The following KDELR1 variants were observed in gnomAD, a reference collection of about 807,000 sequenced individuals.
KDELR1 encodes KDEL endoplasmic reticulum protein retention receptor 1, also known as ER lumen protein-retaining receptor 1.
In KDELR1, 16 loss-of-function variants were observed where a neutral mutation model predicts 25.5. The observed-to-expected ratio is 0.63, with a 90% CI of 0.43 to 0.95. KDELR1 has a LOEUF of 0.95. Among genes scored for constraint, KDELR1 ranks in the 40% least tolerant of loss-of-function variants. The pLI is 0.00. For missense variants in KDELR1, 159 were observed against 265.2 expected (o/e 0.60, Z 2.78); for synonymous variants, 121 against 115.0 (o/e 1.05, Z -0.33).
the KDELR1 span, among the ~76,000 whole-genome samples, chr19:48,397,024 G>A: frequency 2.0e-5 from 3 of 152,072 alleles, no homozygotes; most frequent in African/African-American, 7.2e-5. Flanking sequence ...TTCAACAGGG[G>A]GCACAGGAAG....
At chr19:48,391,845 G>A (rs1457895618), upstream of KDELR1, among the ~76,000 whole-genome samples, 1 of 152,124 alleles carries the variant, frequency 6.6e-6, no homozygotes, top group Non-Finnish European at 1.5e-5. Flanking sequence ...AAATCCTGCA[G>A]GGACCCGGAG....
upstream of KDELR1, among the ~76,000 whole-genome samples, chr19:48,392,819 C>T (rs184129718): frequency 8.8e-4 from 134 of 152,284 alleles, no homozygotes; most frequent in Admixed American, 1.8e-3. Context: ...GGTGTCCTGC[C>T]CCACGCTCTA....
At position 48,389,629 on chromosome 19, in the gene KDELR1, G is replaced by A. The variant is rs1191650393; in HGVS notation, c.275C>T (p.Thr92Met). ...FKATYDGNHDTFRVEFLVVPT... is the reference protein window; with the variant it reads ...FKATYDGNHDMFRVEFLVVPT... ...AACGACCAGGAACTCCACTCTGAAC[G>A]TGTCATGGTTCCCATCGTAAGTAGC... The change falls in exon 3 of 5, where the codon ACG (threonine) becomes ATG (methionine). Residue 92 changes from threonine to methionine, a missense_variant. By Grantham distance (81) the Thr-to-Met change is moderately conservative. Transcript: ENST00000330720. 5 of 1,614,130 alleles carry A rather than the reference G, an allele frequency of 3.1e-6. No homozygotes were observed. The highest frequency in any genetic ancestry group is 1.1e-5 in the South Asian group (1 of 91,092).
At chr19:48,391,131 C>G (rs1449629865) in intron 1 of KDELR1, 137 bp downstream of exon 1, 8 of 761,726 alleles carry the variant, frequency 1.1e-5, no homozygotes, top group Non-Finnish European at 1.8e-5. Context: ...GACCCAGAAC[C>G]TAGAAGAGAG....
intron 3 of KDELR1, among the ~76,000 whole-genome samples, chr19:48,385,968 C>T (rs949811255): frequency 3.3e-5 from 5 of 152,148 alleles, no homozygotes; most frequent in Non-Finnish European, 7.4e-5. Flanking sequence ...ATCCAGAATC[C>T]TCCAGGGAGG....
chr19:48,383,509 TTTTC>T (rs1422795609), intron 4 of KDELR1, among the ~76,000 whole-genome samples, 182 bp from the exon 5 acceptor site: 1 of 152,014 alleles, frequency 6.6e-6, no homozygotes, highest in African/African-American at 2.4e-5. Flanking sequence ...CTACTGGCAA[TTTTC>T]TTTCTTTCTT....
At chr19:48,387,309 A>G (rs1970504783) in intron 3 of KDELR1, among the ~76,000 whole-genome samples, 2 of 152,136 alleles carry the variant, frequency 1.3e-5, no homozygotes, top group Non-Finnish European at 2.9e-5. Context: ...AGCATGATGC[A>G]GCCTCCCTCT....
chr19:48,387,923 C>G (rs932165684), intron 3 of KDELR1: 1 of 152,158 alleles, frequency 6.6e-6, no homozygotes, highest in Non-Finnish European at 1.5e-5. Context: ...CACTGGCTCT[C>G]GCAAAATTCC....
In KDELR1 at chr19:48,391,489, G is replaced by T. The variant is rs545312495; in HGVS notation, c.-131C>A. 8 of 686,022 alleles carry T rather than the reference G, an allele frequency of 1.2e-5. No individual in the cohort carries two copies. In the South Asian group the frequency reaches 1.4e-4, roughly 12 times the overall value. The allele number at this position is 686,022 out of a possible 1,614,324, so 42.5% of individuals were successfully genotyped here. A position where few individuals can be genotyped will look rare whatever the true frequency, so the allele number is the denominator to read the frequency against. On this transcript the variant is annotated 5_prime_UTR_variant, in exon 1 of 5. Transcript: ENST00000330720. The stretch of plus-strand genomic sequence containing the variant: ...AGGGACCCTAGGTGCGCTCCGCTCC[G>T]GGGAGGGGACTTTGGGAGGGGGAGC...
the KDELR1 span, among the ~76,000 whole-genome samples, chr19:48,396,660 A>T: frequency 3.8e-4 from 58 of 151,816 alleles, no homozygotes; most frequent in African/African-American, 1.4e-3. Flanking sequence ...GCATACTAGG[A>T]GCCCCCAACC....
chr19:48,395,507 T>G (rs1970628290), upstream of KDELR1, among the ~76,000 whole-genome samples: 1 of 151,758 alleles, frequency 6.6e-6, no homozygotes, highest in African/African-American at 2.4e-5. Context: ...GTGTGTGTGT[T>G]GGGAGGTGAG....
chr19:48,385,851 C>T (rs2147420112), intron 3 of KDELR1, among the ~76,000 whole-genome samples: 1 of 152,314 alleles, frequency 6.6e-6, no homozygotes, highest in South Asian at 2.1e-4. Context: ...GAGGTAGGTA[C>T]TGTTGTCATT....
chr19:48,392,997 C>T (rs1282193561), upstream of KDELR1, among the ~76,000 whole-genome samples: 1 of 152,226 alleles, frequency 6.6e-6, no homozygotes, highest in Non-Finnish European at 1.5e-5. Context: ...GGGGTACCCA[C>T]AGATGATGGA....
chr19:48,391,540 G>A lies in KDELR1; in HGVS notation c.-182C>T. ...AAAGGCTGGAGCTGGCGGCGGAGCT[G>A]GAGCCGGGAAGAGGGAGGAGAGCGA... On this transcript the variant is annotated 5_prime_UTR_variant, in exon 1 of 5. Coordinates refer to ENST00000330720, the MANE Select transcript of KDELR1 (RefSeq NM_006801.3). 1 of 592,768 alleles carries A rather than the reference G, an allele frequency of 1.7e-6. No homozygotes were observed. Among genetic ancestry groups the A allele is most frequent in the Non-Finnish European group, 3.0e-6 (1 of 332,174 alleles). 36.7% of individuals were successfully genotyped at this position (592,768 alleles called of 1,614,324 possible).
chr19:48,394,260 G>A (rs962308007), upstream of KDELR1, among the ~76,000 whole-genome samples: 3 of 151,866 alleles, frequency 2.0e-5, no homozygotes, highest in Admixed American at 2.0e-4. This position sits in a 1 kb window ranked among gnomAD's most constrained non-coding sequence, Gnocchi z 5.1. Context: ...GTGAGATCGT[G>A]CGTGTGTGCG....
intron 3 of KDELR1, among the ~76,000 whole-genome samples, chr19:48,387,542 C>T (rs562669799): frequency 2.0e-5 from 3 of 151,964 alleles, no homozygotes; most frequent in African/African-American, 7.2e-5. Context: ...ATTAGCCAGG[C>T]GTGGTGGCAA....
intron 1 of KDELR1, among the ~76,000 whole-genome samples, chr19:48,391,048 T>TG (rs930150272): frequency 3.9e-5 from 6 of 152,064 alleles, no homozygotes; most frequent in African/African-American, 1.4e-4. Context: ...GTGGCTGAAT[T>TG]GGGGGCCTAA....
chr19:48,394,207 CCCT>C (rs1012338139), upstream of KDELR1, among the ~76,000 whole-genome samples: 1 of 151,816 alleles, frequency 6.6e-6, no homozygotes, highest in Non-Finnish European at 1.5e-5. The surrounding 1 kb of genome is among the most constrained non-coding windows in gnomAD (Gnocchi z 5.1). Context: ...GTGTGTGTGT[CCCT>C]CCTCAAGCTC....
At chr19:48,391,572 G>T (rs1320342188), upstream of KDELR1, 10 of 562,768 alleles carry the variant, frequency 1.8e-5, no homozygotes, top group East Asian at 9.1e-5. Context: ...GCGAGAGGGG[G>T]AGGAGTCCGG....
Sources: allele counts gnomAD v4.1 joint callset (sites outside exome capture counted in the v4.1 genomes callset), GRCh38; gene constraint gnomAD v4.1.1; non-coding constraint Gnocchi (gnomAD v3.1); transcripts MANE v1.5; gene names NCBI Gene and HGNC (gene_info 2026-07-23, HGNC 2026-07-21).